The following RUBCN variants were observed in gnomAD, a reference collection of about 807,000 sequenced individuals.
RUBCN encodes the protein rubicon autophagy regulator.
Under a neutral mutation model 113.2 loss-of-function variants are expected in RUBCN, and 74 were observed. The observed-to-expected ratio is 0.65, with a 90% CI of 0.54 to 0.79. RUBCN has a LOEUF of 0.79. RUBCN is among the 30% of genes least tolerant of loss of function. The pLI is 0.00. For synonymous variants in RUBCN, 480 were observed against 490.0 expected, an observed-to-expected ratio of 0.98 and a Z score of 0.27; for missense variants, 1,109 against 1,251.7, an observed-to-expected ratio of 0.89 and a Z score of 1.72.
At chr3:197,717,455 G>C (rs944398860) in intron 2 of RUBCN, among the ~76,000 whole-genome samples, 4 of 142,390 alleles carry the variant, frequency 2.8e-5, no homozygotes, top group African/African-American at 1.1e-4. Context: ...AAAAAAAAAA[G>C]GGGGGGGCAG....
rs941291818 is a variant in RUBCN at position 197,683,656 on chromosome 3, G to A, written c.1848-217C>T. On this transcript the variant is annotated intron_variant, in intron 12 of 19. Coordinates refer to ENST00000296343, the MANE Select transcript of RUBCN (RefSeq NM_014687.4). This position sits in a 1 kb window ranked among gnomAD's most constrained non-coding sequence, Gnocchi z 4.6. ...CAAGCCCCACTTCCTGCCACTGCAC[G>A]GCACTGCTAATGAAGGACTCTGTCA... Among the ~76,000 whole-genome samples the A allele has an allele frequency of 2.0e-5, 3 of 152,108 alleles. No homozygotes were observed. The highest frequency in any genetic ancestry group is 1.9e-4 in the East Asian group (1 of 5,188).
At position 197,736,852 on chromosome 3, in the gene RUBCN, G is replaced by C. The variant is rs1435828267; in HGVS notation, c.-133C>G. On this transcript the variant is annotated 5_prime_UTR_variant, in exon 1 of 20. Coordinates refer to ENST00000296343, the MANE Select transcript of RUBCN (RefSeq NM_014687.4). ...GCTCCGGGTGATGCGCTACACCCGGGCGGCGACAGCGGGAGGGACCGCCGC... is the reference window on the plus strand; with the variant it reads ...GCTCCGGGTGATGCGCTACACCCGGCCGGCGACAGCGGGAGGGACCGCCGC... 4.3e-6 allele frequency: 6 copies of C among 1,383,004 alleles called. No individual in the cohort carries two copies. Among genetic ancestry groups the C allele is most frequent in the Admixed American group, 7.0e-5 (2 of 28,702 alleles). 85.7% of individuals were successfully genotyped at this position (1,383,004 alleles called of 1,614,324 possible).
At chr3:197,722,994 G>C (rs904671589) in intron 1 of RUBCN, among the ~76,000 whole-genome samples, 3 of 151,898 alleles carry the variant, frequency 2.0e-5, no homozygotes, top group Non-Finnish European at 2.9e-5. Context: ...TCTGTTACTT[G>C]TTTTCTAGTT....
chr3:197,733,821 A>G (rs918057089), intron 1 of RUBCN, among the ~76,000 whole-genome samples: 5 of 152,258 alleles, frequency 3.3e-5, no homozygotes, highest in African/African-American at 1.2e-4. Flanking sequence ...TAAAAAGAAT[A>G]AAAGACGGGA....
chr3:197,699,285 CAG>C (rs1723373291), intron 7 of RUBCN: 1 of 1,306,582 alleles, frequency 7.7e-7, no homozygotes, highest in African/African-American at 1.5e-5. Flanking sequence ...AATGAGAATA[CAG>C]AGAGAGAAAA....
At chr3:197,710,076 G>A (rs923234702) in intron 2 of RUBCN, among the ~76,000 whole-genome samples, 6 of 151,610 alleles carry the variant, frequency 4.0e-5, no homozygotes, top group South Asian at 2.1e-4. Context: ...AAGCTGAGAC[G>A]GGAGAATTGC....
At chr3:197,743,280 C>T (rs115799397) in intron 1 of RUBCN, among the ~76,000 whole-genome samples, 1,732 of 151,302 alleles carry the variant, frequency 0.011, 45 homozygotes, top group African/African-American at 0.041. Flanking sequence ...CCTGCCACCC[C>T]GTCTGTCATG....
chr3:197,704,795 A>T, intron 3 of RUBCN, 94 bp from the exon 4 acceptor site: 1 of 1,341,442 alleles, frequency 7.5e-7, no homozygotes, highest in Non-Finnish European at 1.1e-6. Flanking sequence ...GAGACAGGTA[A>T]GGGAAATGCT....
intron 7 of RUBCN, chr3:197,699,289 G>T: frequency 1.5e-6 from 2 of 1,296,992 alleles, no homozygotes; most frequent in Non-Finnish European, 2.2e-6. Flanking sequence ...AGAATACAGA[G>T]AGAGAAAAAA....
chr3:197,682,389 GA>G, intron 14 of RUBCN, 80 bp downstream of exon 14: 1 of 1,532,888 alleles, frequency 6.5e-7, no homozygotes, highest in Non-Finnish European at 9.0e-7. Flanking sequence ...TGGAGGCAGG[GA>G]CAAGTGGGTG....
Position 197,725,520 on chromosome 3 carries a change from C to CTTTTTTTT in RUBCN, c.66-7398_66-7391dup, listed in dbSNP as rs10718685. Among the ~76,000 whole-genome samples, 195 of 75,334 alleles carry CTTTTTTTT rather than the reference C, an allele frequency of 2.6e-3. 7 individuals carry two copies. The highest frequency in any genetic ancestry group is 0.012 in the Middle Eastern group (1 of 86). 49.4% of individuals were successfully genotyped at this position (75,334 alleles called of 152,430 possible). A position where few individuals can be genotyped will look rare whatever the true frequency, so the allele number is the denominator to read the frequency against. On this transcript the variant is annotated intron_variant, in intron 1 of 19. Transcript: ENST00000296343. ...TACATTTCATGGCTGACAGGAGAATCTTTTTTTTTTTTTTTTTTTTTTTGT... is the reference window on the plus strand; with the variant it reads ...TACATTTCATGGCTGACAGGAGAATCTTTTTTTTTTTTTTTTTTTTTTTTTTTTTTTGT...
rs554643177 is a variant in RUBCN at position 197,690,510 on chromosome 3, T to C, written c.1786+3205A>G. Among the ~76,000 whole-genome samples the C allele has an allele frequency of 1.9e-4, 29 of 152,376 alleles. 1 individual carries two copies. The South Asian group carries it at 6.0e-3, about 32-fold the overall frequency. On this transcript the variant is annotated intron_variant, in intron 11 of 19. Coordinates refer to ENST00000296343, the MANE Select transcript of RUBCN (RefSeq NM_014687.4). ...AAAGCCATTCTGAGTAGAAAACTGCTACTTTCTTTCAATTAACCTCACCTA... is the reference window on the plus strand; with the variant it reads ...AAAGCCATTCTGAGTAGAAAACTGCCACTTTCTTTCAATTAACCTCACCTA...
intron 14 of RUBCN, among the ~76,000 whole-genome samples, 184 bp from the exon 15 acceptor site, chr3:197,682,083 T>C (rs1348809627): frequency 1.3e-5 from 2 of 152,106 alleles, no homozygotes; most frequent in Non-Finnish European, 2.9e-5. Context: ...GATTTAGGTC[T>C]AGGCAGTCAC....
intron 2 of RUBCN, among the ~76,000 whole-genome samples, chr3:197,711,378 G>A (rs1724947881): frequency 6.6e-6 from 1 of 152,164 alleles, no homozygotes; most frequent in African/African-American, 2.4e-5. Flanking sequence ...CTGTAAGAAA[G>A]AATGAAGAAG....
chr3:197,744,874 T>C (rs778006291), intron 1 of RUBCN, among the ~76,000 whole-genome samples: 1 of 152,148 alleles, frequency 6.6e-6, no homozygotes, highest in African/African-American at 2.4e-5. Context: ...AATGAATATA[T>C]AATAATATTT....
chr3:197,710,541 G>A (rs1404442919), intron 2 of RUBCN, among the ~76,000 whole-genome samples: 9 of 151,314 alleles, frequency 5.9e-5, no homozygotes, highest in East Asian at 2.0e-4. Context: ...CAGAGGCTGC[G>A]GTGAGCTGGG....
chr3:197,735,853 G>A (rs950798335), intron 1 of RUBCN, among the ~76,000 whole-genome samples: 1 of 152,100 alleles, frequency 6.6e-6, no homozygotes, highest in African/African-American at 2.4e-5. Flanking sequence ...CTCCCCCAAG[G>A]TGCTGGAATT....
Position 197,694,697 on chromosome 3 carries a change from C to T in RUBCN, c.1474-112G>A, listed in dbSNP as rs575653012. The T allele has an allele frequency of 6.4e-4, 590 of 925,656 alleles. 1 individual carries two copies. Among genetic ancestry groups the T allele is most frequent in the Non-Finnish European group, 8.8e-4 (506 of 576,460 alleles). The allele number at this position is 925,656 out of a possible 1,614,324, so 57.3% of individuals were successfully genotyped here. A position where few individuals can be genotyped will look rare whatever the true frequency, so the allele number is the denominator to read the frequency against. On this transcript the variant is annotated intron_variant, in intron 9 of 19. Coordinates refer to ENST00000296343, the MANE Select transcript of RUBCN (RefSeq NM_014687.4). ...ATAGGAACTGTTCCTGCCAAAAACA[C>T]CCTGGAGAAATGGACATTTCTACTA... is the stretch of plus-strand genomic sequence containing the variant.
rs1344010579 is a variant in RUBCN at position 197,749,584 on chromosome 3, C to T, written c.-431G>A. On this transcript the variant is annotated 5_prime_UTR_variant, in exon 1 of 21. Transcript: ENST00000273582. ...CTCGTGTGTACCGAAGTATAGGGGA[C>T]CTGTCTGCAGCAGGAGGGACTCGAA... The T allele has an allele frequency of 2.4e-6, 3 of 1,271,974 alleles. No individual in the cohort carries two copies. The South Asian group carries it at 3.7e-5, about 16-fold the overall frequency. The allele number at this position is 1,271,974 out of a possible 1,614,324, so 78.8% of individuals were successfully genotyped here.
Sources: allele counts gnomAD v4.1 joint callset (sites outside exome capture counted in the v4.1 genomes callset), GRCh38; gene constraint gnomAD v4.1.1; non-coding constraint Gnocchi (gnomAD v3.1); transcripts MANE v1.5; gene names NCBI Gene and HGNC (gene_info 2026-07-23, HGNC 2026-07-21).